Variants in ATG12 observed in about 807,000 individuals in gnomAD.
ATG12 encodes ubiquitin-like protein ATG12.
Under a neutral mutation model 17.6 loss-of-function variants are expected in ATG12, and 19 were observed. The ratio of observed to expected loss-of-function variants is 1.08; its 90% CI spans 0.75 to 1.58. ATG12 has a LOEUF of 1.58. Among genes scored for constraint, ATG12 ranks in the 40% most tolerant of loss-of-function variants. The pLI is 0.00. For missense variants in ATG12, 214 were observed against 162.0 expected (o/e 1.32, Z -1.74); for synonymous variants, 75 against 62.4 (o/e 1.20, Z -0.95).
chr5:115,832,792 A>G (rs1352147145), intron 2 of ATG12, 128 bp from the exon 3 acceptor site: 1 of 858,944 alleles, frequency 1.2e-6, no homozygotes, highest in Non-Finnish European at 1.7e-6. Flanking sequence ...TGAACTCCTA[A>G]CTTTTCTAAA....
Position 115,841,547 on chromosome 5 carries a change from C to A in ATG12, c.6G>T (p.Ala2=). 1.9e-6 allele frequency: 3 copies of A among 1,613,748 alleles called. No individual in the cohort carries two copies. Among genetic ancestry groups the A allele is most frequent in the African/African-American group, 1.3e-5 (1 of 74,962 alleles). The stretch of plus-strand genomic sequence containing the variant: ...GCTGCAACACAGACTGCGGCTCCTC[C>A]GCCATCTTGCTTGGAGACACTCGAG... M[A]EEPQSVLQLP... The change falls in exon 1 of 4, where the codon GCG becomes GCT. Residue 2 remains alanine, a synonymous_variant. Coordinates refer to ENST00000509910, the MANE Select transcript of ATG12 (RefSeq NM_004707.4).
Position 115,829,688 on chromosome 5 carries a change from T to C in ATG12, c.*2116A>G, listed in dbSNP as rs963845177. ...CTTGAGAGTTTAAATTAAAAATAAA[T>C]TGTGTTGTAGGTTCTAGTCACCCAA... On this transcript the variant is annotated 3_prime_UTR_variant, in exon 4 of 4. Coordinates refer to ENST00000509910, the MANE Select transcript of ATG12 (RefSeq NM_004707.4). The C allele has an allele frequency of 5.3e-5, 8 of 152,210 alleles. No homozygotes were observed. The highest frequency in any genetic ancestry group is 8.8e-5 in the Non-Finnish European group (6 of 68,030). The allele number at this position is 152,210 out of a possible 1,614,324, so 9.4% of individuals were successfully genotyped here. A position where few individuals can be genotyped will look rare whatever the true frequency, so the allele number is the denominator to read the frequency against.
intron 1 of ATG12, 183 bp downstream of exon 1, chr5:115,841,207 T>C: frequency 2.7e-6 from 2 of 729,988 alleles, no homozygotes; most frequent in Non-Finnish European, 4.5e-6. Flanking sequence ...ACAGAGATGG[T>C]ATTTTAACAC....
chr5:115,835,871 G>T (rs1168309758), intron 2 of ATG12, among the ~76,000 whole-genome samples: 4 of 152,026 alleles, frequency 2.6e-5, no homozygotes, highest in African/African-American at 9.7e-5. Flanking sequence ...GTGTTTTGGG[G>T]CTCATGGGGA....
intron 3 of ATG12, 124 bp from the exon 4 acceptor site, chr5:115,831,987 G>T: frequency 1.2e-6 from 1 of 853,212 alleles, no homozygotes; most frequent in Non-Finnish European, 1.8e-6. Flanking sequence ...TATGTTACAG[G>T]CTATCTCTTT....
intron 2 of ATG12, chr5:115,833,727 T>G (rs1459411078): frequency 6.6e-6 from 1 of 152,210 alleles, no homozygotes; most frequent in African/African-American, 2.4e-5. Flanking sequence ...TATGGCTGAG[T>G]AGAGTTCTGG....
At position 115,840,988 on chromosome 5, in the gene ATG12, T is replaced by C. The variant is rs1240001265; in HGVS notation, c.163+402A>G. 5.0e-5 allele frequency: 45 copies of C among 894,916 alleles called. No individual in the cohort carries two copies. In the South Asian group the frequency reaches 6.2e-4, roughly 12 times the overall value. The allele number at this position is 894,916 out of a possible 1,614,324, so 55.4% of individuals were successfully genotyped here. A position where few individuals can be genotyped will look rare whatever the true frequency, so the allele number is the denominator to read the frequency against. ...TTAAGTTGGAAGGCATGAATTCTAA[T>C]CCAGGCTTTGCCAATGACCACCCCT... is the stretch of plus-strand genomic sequence containing the variant. On this transcript the variant is annotated intron_variant, in intron 1 of 3. Transcript: ENST00000509910.
intron 1 of ATG12, chr5:115,839,232 C>G (rs369278058): frequency 6.6e-6 from 1 of 152,000 alleles, no homozygotes. Context: ...CTTCTTGCTC[C>G]ATTCTTTAGG....
chr5:115,840,019 GAGTCAAGTAACAAGT>G (rs1269828551), intron 1 of ATG12, among the ~76,000 whole-genome samples: 6 of 152,148 alleles, frequency 3.9e-5, no homozygotes, highest in Non-Finnish European at 8.8e-5. Context: ...GCTATCATCA[GAGTCAAGTAACAAGT>G]TTTGACTAAG....
At chr5:115,837,968 A>G in intron 1 of ATG12, 2 of 436,680 alleles carry the variant, frequency 4.6e-6, no homozygotes, top group Non-Finnish European at 7.9e-6. Context: ...AACAGGACTA[A>G]TTTTTAAAAT....
intron 3 of ATG12, 39 bp downstream of exon 3, chr5:115,832,563 A>G (rs77812046): frequency 7.2e-7 from 1 of 1,392,724 alleles, no homozygotes; most frequent in South Asian, 1.5e-5. Context: ...AAAAGCAGTA[A>G]TTTCTTTCTT....
Position 115,841,404 on chromosome 5 carries a change from T to C in ATG12, c.149A>G (p.Asp50Gly). Residue 50 changes from aspartate (D) to glycine (G), a missense_variant, in exon 1 of 4, where the codon GAC becomes GGC. Asp to Gly is a moderately conservative substitution (Grantham distance 94). Transcript: ENST00000509910. Reference sequence around the variant, plus strand: ...AATTCAGTTACTTTTTTTCTTGGTGTCGCCAGCAGGTTCCTCTGTTCCCGG... The same window carrying C: ...AATTCAGTTACTTTTTTTCTTGGTGCCGCCAGCAGGTTCCTCTGTTCCCGG... ...VSPGTEEPAGDTKKKIDILLK... is the reference protein window; with the variant it reads ...VSPGTEEPAGGTKKKIDILLK... 4 of 1,611,174 alleles carry C rather than the reference T, an allele frequency of 2.5e-6. No individual in the cohort carries two copies. Among genetic ancestry groups the C allele is most frequent in the Non-Finnish European group, 1.7e-6 (2 of 1,179,392 alleles).
chr5:115,834,059 A>T (rs1243023727), intron 2 of ATG12: 1 of 152,214 alleles, frequency 6.6e-6, no homozygotes, highest in Admixed American at 6.5e-5. Flanking sequence ...AGCGTACAGA[A>T]ATGTACACTA....
Position 115,831,027 on chromosome 5 carries a change from A to G in ATG12, c.*777T>C, listed in dbSNP as rs1383372017. The G allele has an allele frequency of 6.6e-6, 1 of 152,228 alleles. No homozygotes were observed. Among genetic ancestry groups the G allele is most frequent in the Admixed American group, 6.5e-5 (1 of 15,274 alleles). The allele number at this position is 152,228 out of a possible 1,614,324, so 9.4% of individuals were successfully genotyped here. The stretch of plus-strand genomic sequence containing the variant: ...CACTCAAAAAGATGCTACTGGGTTT[A>G]CTCATCAAGTGCTTTTGACACCATA... On this transcript the variant is annotated 3_prime_UTR_variant, in exon 4 of 4. Transcript: ENST00000509910.
rs935185483 is a variant in ATG12 at position 115,828,486 on chromosome 5, T to C, written c.*3318A>G. ...TTTGTAACCAATGGGGTTCAAGGTG[T>C]TTCATGTTTTGTTGGCCATTTGTAT... On this transcript the variant is annotated 3_prime_UTR_variant, in exon 4 of 4. Coordinates refer to ENST00000509910, the MANE Select transcript of ATG12 (RefSeq NM_004707.4). 1 of 152,170 alleles carries C rather than the reference T, an allele frequency of 6.6e-6. No individual in the cohort carries two copies. The highest frequency in any genetic ancestry group is 2.4e-5 in the African/African-American group (1 of 41,452). 9.4% of individuals were successfully genotyped at this position (152,170 alleles called of 1,614,324 possible). A position where few individuals can be genotyped will look rare whatever the true frequency, so the allele number is the denominator to read the frequency against.
At chr5:115,841,200 G>A (rs1761443051) in intron 1 of ATG12, 190 bp downstream of exon 1, 2 of 695,932 alleles carry the variant, frequency 2.9e-6, no homozygotes, top group Admixed American at 3.0e-5. Context: ...CCGATAGACA[G>A]AGATGGTATT....
At chr5:115,835,054 TC>T (rs1364714473) in intron 2 of ATG12, 1 of 152,182 alleles carries the variant, frequency 6.6e-6, no homozygotes, top group Non-Finnish European at 1.5e-5. Context: ...TTGTTTATGT[TC>T]CTCCTACTTT....
In ATG12 at chr5:115,831,748, C is replaced by T; in HGVS notation, c.*56G>A. 1 of 1,545,070 alleles carries T rather than the reference C, an allele frequency of 6.5e-7. No individual in the cohort carries two copies. The highest frequency in any genetic ancestry group is 1.4e-5 in the African/African-American group (1 of 73,424). On this transcript the variant is annotated 3_prime_UTR_variant, in exon 4 of 4. Coordinates refer to ENST00000509910, the MANE Select transcript of ATG12 (RefSeq NM_004707.4). ...CCACAAGCATCAAAACTTTTCAGAG[C>T]TGTCTCTTCCGTGAAAATCCATTTC...
At chr5:115,840,825 C>T (rs1158115514) in intron 1 of ATG12, 35 of 1,236,950 alleles carry the variant, frequency 2.8e-5, no homozygotes, top group Non-Finnish European at 3.4e-5. Flanking sequence ...CACAAAGGTT[C>T]CAAAATGTGT....
Sources: allele counts gnomAD v4.1 joint callset (sites outside exome capture counted in the v4.1 genomes callset), GRCh38; gene constraint gnomAD v4.1.1; transcripts MANE v1.5; gene names NCBI Gene and HGNC (gene_info 2026-07-23, HGNC 2026-07-21).